Variants in LINGO2 observed in about 807,000 individuals in gnomAD.
The protein encoded by LINGO2 is leucine rich repeat and Ig domain containing 2.
In LINGO2, 14 loss-of-function variants were observed where a neutral mutation model predicts 30.6. The observed-to-expected ratio is 0.46, with a 90% CI of 0.30 to 0.72. The LOEUF (loss-of-function observed/expected upper bound fraction) is 0.72. Among genes scored for constraint, LINGO2 ranks in the 30% least tolerant of loss-of-function variants. LINGO2 has a pLI of 0.07. For missense variants in LINGO2, 729 were observed against 751.7 expected, an observed-to-expected ratio of 0.97 and a Z score of 0.35; for synonymous variants, 317 against 288.5, an observed-to-expected ratio of 1.10 and a Z score of -1.00.
chr9:28,820,478 A>G, the LINGO2 span, among the ~76,000 whole-genome samples: 3 of 152,210 alleles, frequency 2.0e-5, no homozygotes, highest in Admixed American at 2.0e-4. Context: ...AATCCCATAC[A>G]TTGACGTATG....
At chr9:28,341,841 T>C (rs962207313) in intron 3 of LINGO2, among the ~76,000 whole-genome samples, 2 of 152,138 alleles carry the variant, frequency 1.3e-5, no homozygotes, top group African/African-American at 4.8e-5. Context: ...AGCATCCCTT[T>C]ACTGGAAATA....
At chr9:29,036,070 A>G in the LINGO2 span, among the ~76,000 whole-genome samples, 16 of 152,232 alleles carry the variant, frequency 1.1e-4, no homozygotes, top group Non-Finnish European at 2.2e-4. Flanking sequence ...AGTAATAGTC[A>G]TTTTAGACGC....
At chr9:29,045,626 G>C in the LINGO2 span, among the ~76,000 whole-genome samples, 1 of 151,350 alleles carries the variant, frequency 6.6e-6, no homozygotes, top group Non-Finnish European at 1.5e-5. Context: ...GGCTCTTTGG[G>C]TTCTACTTTG....
At chr9:28,303,164 A>T (rs1199905289) in intron 3 of LINGO2, among the ~76,000 whole-genome samples, 2 of 152,194 alleles carry the variant, frequency 1.3e-5, no homozygotes, top group Non-Finnish European at 2.9e-5. Context: ...ACAAAATACA[A>T]GAGAGACAAT....
chr9:28,718,961 A>G, the LINGO2 span, among the ~76,000 whole-genome samples: 1 of 152,012 alleles, frequency 6.6e-6, no homozygotes, highest in African/African-American at 2.4e-5. Flanking sequence ...AGCTGTTACA[A>G]GCCATCATCA....
intron 4 of LINGO2, among the ~76,000 whole-genome samples, chr9:28,271,278 T>C (rs566606248): frequency 1.3e-5 from 2 of 152,252 alleles, no homozygotes; most frequent in South Asian, 2.1e-4. Context: ...TTTACATATA[T>C]TCACTTATAA....
the LINGO2 span, chr9:27,942,392 T>G: frequency 6.6e-6 from 1 of 152,184 alleles, no homozygotes; most frequent in African/African-American, 2.4e-5. Flanking sequence ...TATTAATACT[T>G]CAGTGAATTT....
the LINGO2 span, among the ~76,000 whole-genome samples, chr9:28,973,194 C>A: frequency 6.6e-6 from 1 of 151,936 alleles, no homozygotes; most frequent in East Asian, 1.9e-4. Flanking sequence ...TATAGAACAC[C>A]AAGCACATTT....
chr9:28,670,450 AATT>A (rs1828967034), upstream of LINGO2, among the ~76,000 whole-genome samples: 1 of 152,146 alleles, frequency 6.6e-6, no homozygotes, highest in African/African-American at 2.4e-5. Context: ...TAGCAATGAA[AATT>A]ATGTCTGTCT....
the LINGO2 span, among the ~76,000 whole-genome samples, chr9:28,741,907 G>A: frequency 1.3e-5 from 2 of 151,684 alleles, no homozygotes; most frequent in African/African-American, 4.9e-5. Flanking sequence ...GTGCTGAGAG[G>A]CCTTGGGTCA....
chr9:28,881,117 T>C, the LINGO2 span, among the ~76,000 whole-genome samples: 3 of 152,060 alleles, frequency 2.0e-5, no homozygotes, highest in Non-Finnish European at 2.9e-5. Flanking sequence ...CACTGTTGTT[T>C]CTCTACACTT....
the LINGO2 span, among the ~76,000 whole-genome samples, chr9:29,079,038 G>A: frequency 4.0e-5 from 6 of 151,790 alleles, no homozygotes; most frequent in South Asian, 2.1e-4. Flanking sequence ...CTAAAAGATC[G>A]AGAGTACAAA....
the LINGO2 span, among the ~76,000 whole-genome samples, chr9:28,892,224 T>A: frequency 6.6e-6 from 1 of 152,018 alleles, no homozygotes. Flanking sequence ...GCAGTCATAA[T>A]GTACTGAGCT....
intron 1 of LINGO2, among the ~76,000 whole-genome samples, chr9:28,628,521 T>A (rs937479165): frequency 5.3e-5 from 8 of 152,122 alleles, no homozygotes; most frequent in Non-Finnish European, 8.8e-5. Context: ...TGCAAACTCA[T>A]ATTTCCTGTC....
At chr9:28,330,628 C>G (rs1825384720) in intron 3 of LINGO2, among the ~76,000 whole-genome samples, 1 of 152,102 alleles carries the variant, frequency 6.6e-6, no homozygotes, top group African/African-American at 2.4e-5. Flanking sequence ...CTCTGAAACA[C>G]TTGATTCACC....
At chr9:28,625,132 G>C (rs1009897469) in intron 1 of LINGO2, among the ~76,000 whole-genome samples, 2 of 152,020 alleles carry the variant, frequency 1.3e-5, no homozygotes, top group African/African-American at 2.4e-5. Context: ...GTGGTGGTGA[G>C]GCTTGCCAAA....
In LINGO2 at chr9:28,495,356, C is replaced by A. The variant is rs141097883; in HGVS notation, c.-364-19331G>T. 3.9e-5 allele frequency among the ~76,000 whole-genome samples: 6 copies of A among 152,304 alleles called. No individual in the cohort carries two copies. The East Asian group carries it at 1.2e-3, about 29-fold the overall frequency. ...AGGGTTTTTATTGTTTTAGGTCTAA[C>A]ATTTAAGTCTTTAATCCATCTTGAA... On this transcript the variant is annotated intron_variant, in intron 1 of 5. Transcript: ENST00000379992.
At chr9:29,206,102 C>G in the LINGO2 span, among the ~76,000 whole-genome samples, 1 of 152,124 alleles carries the variant, frequency 6.6e-6, no homozygotes, top group South Asian at 2.1e-4. Flanking sequence ...TATGGATATA[C>G]CTTATTTATC....
the LINGO2 span, among the ~76,000 whole-genome samples, chr9:28,793,433 C>T: frequency 6.6e-6 from 1 of 152,164 alleles, no homozygotes; most frequent in South Asian, 2.1e-4. Flanking sequence ...ACACCCTCTG[C>T]CTTTTGCGGA....
Sources: allele counts gnomAD v4.1 joint callset (sites outside exome capture counted in the v4.1 genomes callset), GRCh38; gene constraint gnomAD v4.1.1; transcripts MANE v1.5; gene names NCBI Gene and HGNC (gene_info 2026-07-23, HGNC 2026-07-21).